The following DOCK9 variants were observed in gnomAD, a reference collection of about 807,000 sequenced individuals.
DOCK9 encodes the protein dedicator of cytokinesis 9.
A neutral mutation model predicts 263.3 loss-of-function variants in DOCK9; 89 were observed. That is an observed-to-expected ratio of 0.34 (90% CI 0.28 to 0.40). DOCK9 has a LOEUF of 0.40. Among genes scored for constraint, DOCK9 ranks in the 10% least tolerant of loss-of-function variants. DOCK9 has a pLI of 1.00. For missense variants in DOCK9, 2,140 were observed against 2,603.4 expected (o/e 0.82, Z 3.87); for synonymous variants, 976 against 973.1 (o/e 1.00, Z -0.06).
chr13:98,880,723 C>A, intron 25 of DOCK9, 51 bp from the exon 26 acceptor site: 1 of 1,593,970 alleles, frequency 6.3e-7, no homozygotes. Context: ...CCAATGTGGG[C>A]TGAAAGCTTG....
At chr13:98,898,098 G>C in intron 14 of DOCK9, 81 bp downstream of exon 14, 2 of 968,326 alleles carry the variant, frequency 2.1e-6, no homozygotes, top group Non-Finnish European at 3.1e-6. Context: ...CTTTGTCTCT[G>C]AACAACAAAC....
At chr13:98,817,774 T>TAAAA (rs34195275) in intron 45 of DOCK9, among the ~76,000 whole-genome samples, 6 of 115,364 alleles carry the variant, frequency 5.2e-5, no homozygotes, top group African/African-American at 1.6e-4. Context: ...TTATATTTGC[T>TAAAA]AAAAAAAAAA....
At chr13:98,998,000 T>C (rs113660102) in intron 1 of DOCK9, among the ~76,000 whole-genome samples, 357 of 152,334 alleles carry the variant, frequency 2.3e-3, no homozygotes, top group African/African-American at 7.9e-3. Context: ...ATTCTGCTCT[T>C]CCAAGATTTG....
intron 48 of DOCK9, 23 bp from the exon 49 acceptor site, chr13:98,805,232 GGA>G: frequency 6.4e-7 from 1 of 1,551,638 alleles, no homozygotes; most frequent in South Asian, 1.2e-5. Flanking sequence ...CAGCACAATG[GGA>G]GATTGGTGCT....
intron 43 of DOCK9, among the ~76,000 whole-genome samples, chr13:98,827,793 C>T (rs546725312): frequency 5.3e-5 from 8 of 152,154 alleles, no homozygotes; most frequent in Non-Finnish European, 7.3e-5. Flanking sequence ...AAGTACATGA[C>T]GGGTTACTGA....
At chr13:98,833,756 T>C (rs908433416) in intron 39 of DOCK9, among the ~76,000 whole-genome samples, 1 of 152,240 alleles carries the variant, frequency 6.6e-6, no homozygotes, top group African/African-American at 2.4e-5. Context: ...CCCGGTTTCC[T>C]AACTACTTGC....
chr13:98,834,182 T>C (rs961280001), intron 39 of DOCK9, among the ~76,000 whole-genome samples: 8 of 152,130 alleles, frequency 5.3e-5, no homozygotes, highest in African/African-American at 1.4e-4. Flanking sequence ...TTTCAGAAAA[T>C]GAATGCTCAG....
At chr13:98,994,256 G>A (rs1348923368) in intron 1 of DOCK9, among the ~76,000 whole-genome samples, 1 of 152,184 alleles carries the variant, frequency 6.6e-6, no homozygotes, top group Non-Finnish European at 1.5e-5. Flanking sequence ...CTTCTCCTTT[G>A]TAACCTGAAG....
At chr13:98,826,470 A>G (rs1472063815) in intron 44 of DOCK9, among the ~76,000 whole-genome samples, 1 of 152,208 alleles carries the variant, frequency 6.6e-6, no homozygotes, top group African/African-American at 2.4e-5. Context: ...CTGTCTGATA[A>G]TCTCCCGTTA....
At chr13:98,904,575 C>T (rs1343370309) in intron 10 of DOCK9, 57 bp downstream of exon 10, 25 of 1,261,886 alleles carry the variant, frequency 2.0e-5, no homozygotes, top group Non-Finnish European at 2.7e-5. Flanking sequence ...ATAAGCCCAT[C>T]GATGATTTTC....
intron 2 of DOCK9, among the ~76,000 whole-genome samples, chr13:98,931,017 T>C (rs1567001215): frequency 2.0e-5 from 3 of 152,190 alleles, no homozygotes. Flanking sequence ...ATCACCACCA[T>C]CCATCTCTTG....
At chr13:98,993,253 T>C (rs1009754705) in intron 1 of DOCK9, among the ~76,000 whole-genome samples, 3 of 152,246 alleles carry the variant, frequency 2.0e-5, no homozygotes, top group Non-Finnish European at 4.4e-5. Flanking sequence ...GGGCATAATA[T>C]GGTAACTTGA....
At chr13:98,802,010 T>C (rs960700421) in intron 49 of DOCK9, among the ~76,000 whole-genome samples, 2 of 152,210 alleles carry the variant, frequency 1.3e-5, no homozygotes, top group Non-Finnish European at 2.9e-5. Context: ...CAAAGCTCCC[T>C]GGTAGGATGG....
At position 98,927,047 on chromosome 13, in the gene DOCK9, A is replaced by T. The variant is rs554747674; in HGVS notation, c.334-1128T>A. ...AAGTGCTTATTTTGTGCCAGGCTCT[A>T]CAATAAGCACTTTACTGGCAAGGGT... On this transcript the variant is annotated intron_variant, in intron 3 of 52. Transcript: ENST00000682017. 6.6e-5 allele frequency among the ~76,000 whole-genome samples: 10 copies of T among 152,376 alleles called. No individual in the cohort carries two copies. In the East Asian group the frequency reaches 1.9e-3, roughly 29 times the overall value.
At chr13:99,041,125 G>GTCT (rs1888415322) in intron 1 of DOCK9, among the ~76,000 whole-genome samples, 1 of 152,020 alleles carries the variant, frequency 6.6e-6, no homozygotes, top group Non-Finnish European at 1.5e-5. Context: ...CAGGACAGTG[G>GTCT]GTAGAAATAA....
At chr13:98,838,403 T>C (rs1458885968) in intron 38 of DOCK9, among the ~76,000 whole-genome samples, 3 of 152,240 alleles carry the variant, frequency 2.0e-5, no homozygotes, top group Non-Finnish European at 4.4e-5. Context: ...AGGAGCTATG[T>C]TATCAGCAAG....
intron 1 of DOCK9, among the ~76,000 whole-genome samples, chr13:99,059,592 A>C (rs779833514): frequency 1.3e-5 from 2 of 152,158 alleles, no homozygotes; most frequent in Non-Finnish European, 2.9e-5. Context: ...CAACCACATC[A>C]CTGTCCTGTT....
At chr13:98,929,559 A>T (rs59379506) in intron 3 of DOCK9, among the ~76,000 whole-genome samples, 5,115 of 152,144 alleles carry the variant, frequency 0.034, 278 homozygotes, top group African/African-American at 0.12. Context: ...AATAAAAATA[A>T]AAATAAAAAA....
At chr13:99,073,912 T>G (rs1566392314) in intron 1 of DOCK9, among the ~76,000 whole-genome samples, 1 of 152,244 alleles carries the variant, frequency 6.6e-6, no homozygotes, top group African/African-American at 2.4e-5. Context: ...AAACTCTTTC[T>G]AGAATTATCA....
Sources: gnomAD v4.1 joint callset for allele counts (sites outside exome capture counted in the v4.1 genomes callset) on GRCh38, gnomAD v4.1.1 for gene constraint, MANE v1.5 for transcripts, NCBI Gene and HGNC (gene_info 2026-07-23, HGNC 2026-07-21) for gene names.